TRIQK: variants seen among roughly 807,000 people sequenced by gnomAD.
TRIQK encodes triple QxxK/R motif containing.
A neutral mutation model predicts 10.8 loss-of-function variants in TRIQK; 10 were observed. That is an observed-to-expected ratio of 0.92 (90% CI 0.57 to 1.57). The LOEUF is 1.57. Among genes scored for constraint, TRIQK ranks in the 40% most tolerant of loss-of-function variants. TRIQK has a pLI of 0.00. For synonymous variants in TRIQK, 33 were observed against 33.7 expected (o/e 0.98, Z 0.07); for missense variants, 107 against 97.7 (o/e 1.09, Z -0.40).
intron 4 of TRIQK, among the ~76,000 whole-genome samples, chr8:92,890,966 C>A (rs1366172926): frequency 6.6e-6 from 1 of 151,830 alleles, no homozygotes; most frequent in Non-Finnish European, 1.5e-5. Context: ...GATGAATCTT[C>A]TCTCTTTTAA....
chr8:92,999,692 TATAA>T (rs1254254882), intron 1 of TRIQK, among the ~76,000 whole-genome samples: 2 of 152,216 alleles, frequency 1.3e-5, no homozygotes, highest in African/African-American at 2.4e-5. Flanking sequence ...GTTAAAGTAA[TATAA>T]ATAATTTATT....
At chr8:92,986,649 T>G (rs1248234170) in intron 1 of TRIQK, among the ~76,000 whole-genome samples, 1 of 152,188 alleles carries the variant, frequency 6.6e-6, no homozygotes, top group Non-Finnish European at 1.5e-5. Flanking sequence ...AGTGAAATAC[T>G]TTCTCGGGGC....
At chr8:92,952,080 G>T (rs920038313) in intron 2 of TRIQK, among the ~76,000 whole-genome samples, 2 of 142,374 alleles carry the variant, frequency 1.4e-5, no homozygotes, top group African/African-American at 5.1e-5. Flanking sequence ...TACTAAAAGG[G>T]AAAAAAAAAA....
At chr8:92,999,522 T>C (rs59465429) in intron 1 of TRIQK, among the ~76,000 whole-genome samples, 5,419 of 152,214 alleles carry the variant, frequency 0.036, 321 homozygotes, top group African/African-American at 0.12. Flanking sequence ...AAATGGTGTA[T>C]GAATTCAGAA....
At chr8:93,006,954 G>A (rs748436216) in intron 1 of TRIQK, among the ~76,000 whole-genome samples, 2 of 152,200 alleles carry the variant, frequency 1.3e-5, no homozygotes, top group African/African-American at 2.4e-5. Context: ...GGGCAGTTCC[G>A]ACGAGTGGGA....
At chr8:92,892,269 A>T (rs192120734) in intron 3 of TRIQK, among the ~76,000 whole-genome samples, 195 bp from the exon 4 acceptor site, 1 of 152,028 alleles carries the variant, frequency 6.6e-6, no homozygotes, top group African/African-American at 2.4e-5. Context: ...CAGGAAGAGG[A>T]TACTGACGGA....
intron 2 of TRIQK, among the ~76,000 whole-genome samples, chr8:92,929,046 G>T (rs1243028411): frequency 6.6e-6 from 1 of 152,162 alleles, no homozygotes; most frequent in Non-Finnish European, 1.5e-5. Context: ...TTGGATGGGG[G>T]CAATGAGGCA....
chr8:92,896,663 A>T (rs980383262), intron 3 of TRIQK, among the ~76,000 whole-genome samples: 1 of 152,148 alleles, frequency 6.6e-6, no homozygotes, highest in Non-Finnish European at 1.5e-5. Context: ...ATGGAGTCAA[A>T]GGATATTATG....
intron 2 of TRIQK, among the ~76,000 whole-genome samples, chr8:92,928,742 A>G (rs1810568638): frequency 6.6e-6 from 1 of 152,166 alleles, no homozygotes; most frequent in South Asian, 2.1e-4. Context: ...TCTCTGGTGG[A>G]CCAGCAAGGC....
At chr8:92,893,251 A>G (rs938468161) in intron 3 of TRIQK, among the ~76,000 whole-genome samples, 1 of 152,066 alleles carries the variant, frequency 6.6e-6, no homozygotes, top group Non-Finnish European at 1.5e-5. Context: ...AATTTCATAC[A>G]GAGTTTTAGA....
Position 92,916,949 on chromosome 8 carries a change from T to G in TRIQK, c.41A>C (p.Asp14Ala). ...KDAATIKLPVDQYRKQIGKQD... is the reference protein window; with the variant it reads ...KDAATIKLPVAQYRKQIGKQD... ...CTTACCAATTTGTTTTCTGTACTGA[T>G]CAACAGGAAGTTTTATAGTAGCAGC... is the stretch of plus-strand genomic sequence containing the variant. Residue 14 changes from aspartate (D) to alanine (A), a missense_variant, in exon 3 of 5, where the codon GAT (aspartate) becomes GCT (alanine). Physicochemically the swap from Asp to Ala is moderately radical, Grantham distance 126. Transcript: ENST00000521988. 2 of 1,505,504 alleles carry G rather than the reference T, an allele frequency of 1.3e-6. No individual in the cohort carries two copies. The highest frequency in any genetic ancestry group is 5.2e-5 in the East Asian group (2 of 38,766). The allele number at this position is 1,505,504 out of a possible 1,614,324, so 93.3% of individuals were successfully genotyped here.
chr8:93,001,526 A>G (rs1283749508), intron 1 of TRIQK, among the ~76,000 whole-genome samples: 1 of 152,194 alleles, frequency 6.6e-6, no homozygotes, highest in East Asian at 1.9e-4. Context: ...CAAAAACTGT[A>G]AAAAGAAGAC....
intron 3 of TRIQK, among the ~76,000 whole-genome samples, chr8:92,899,909 C>T (rs1254432697): frequency 6.9e-6 from 1 of 145,094 alleles, no homozygotes; most frequent in African/African-American, 2.6e-5. Flanking sequence ...TCCTCACCAG[C>T]ATTCGTTCTT....
intron 1 of TRIQK, among the ~76,000 whole-genome samples, chr8:92,978,374 A>G (rs549369043): frequency 2.0e-5 from 3 of 152,286 alleles, no homozygotes; most frequent in Admixed American, 1.3e-4. Context: ...ACCATTGTTT[A>G]ATAGATGTTG....
intron 3 of TRIQK, among the ~76,000 whole-genome samples, chr8:92,910,928 A>G (rs1809535258): frequency 6.6e-6 from 1 of 151,472 alleles, no homozygotes; most frequent in Non-Finnish European, 1.5e-5. Context: ...TATAAAAAGT[A>G]CACAATAGAG....
intron 2 of TRIQK, among the ~76,000 whole-genome samples, chr8:92,935,604 G>A (rs955182271): frequency 5.3e-5 from 8 of 151,094 alleles, no homozygotes; most frequent in African/African-American, 1.9e-4. Flanking sequence ...TAAACTAAAA[G>A]CAATAAATAA....
At chr8:93,017,556 T>C (rs922255808) in intron 1 of TRIQK, 21 of 152,216 alleles carry the variant, frequency 1.4e-4, no homozygotes, top group African/African-American at 3.9e-4. Context: ...CAGGCCTGTT[T>C]GCAGATAAGG....
Position 92,883,534 on chromosome 8 carries a change from T to C in TRIQK, c.*3088A>G, listed in dbSNP as rs1370354782. ...CCATAAATGGTAAATGCCGAGTTGA[T>C]TGATATTGTGATTTTTAAGTTTTAT... is the stretch of plus-strand genomic sequence containing the variant. On this transcript the variant is annotated 3_prime_UTR_variant, in exon 5 of 5. Transcript: ENST00000521988. The C allele has an allele frequency of 6.6e-6, 1 of 151,752 alleles. No homozygotes were observed. The allele number at this position is 151,752 out of a possible 1,614,324, so 9.4% of individuals were successfully genotyped here.
intron 1 of TRIQK, among the ~76,000 whole-genome samples, chr8:93,001,944 G>T (rs1363722262): frequency 6.6e-6 from 1 of 152,164 alleles, no homozygotes; most frequent in African/African-American, 2.4e-5. Context: ...TTTTCTGGCT[G>T]TAATGGTATA....
Sources: allele counts gnomAD v4.1 joint callset (sites outside exome capture counted in the v4.1 genomes callset), GRCh38; gene constraint gnomAD v4.1.1; transcripts MANE v1.5; gene names NCBI Gene and HGNC (gene_info 2026-07-23, HGNC 2026-07-21).